The following MAP3K15 variants were observed in gnomAD, a reference collection of about 807,000 sequenced individuals.
The protein encoded by MAP3K15 is MAPK/ERK kinase kinase 15.
In MAP3K15, 124 loss-of-function variants were observed where a neutral mutation model predicts 99.5. That is an observed-to-expected ratio of 1.25 (90% CI 1.08 to 1.45). The LOEUF (loss-of-function observed/expected upper bound fraction) is 1.45. MAP3K15 is among the 40% of genes most tolerant of loss of function. The pLI, the probability that MAP3K15 is intolerant of heterozygous loss-of-function variation, is 0.00. For synonymous variants in MAP3K15, 494 were observed against 439.6 expected, an observed-to-expected ratio of 1.12 and a Z score of -1.55; for missense variants, 1,242 against 1,079.7, an observed-to-expected ratio of 1.15 and a Z score of -2.11.
At chrX:19,390,303 C>CTTTTT (rs869140702) in intron 18 of MAP3K15, among the ~76,000 whole-genome samples, 6 of 69,351 alleles carry the variant, frequency 8.7e-5, no homozygotes, top group Non-Finnish European at 1.5e-4. Context: ...CTAATTTTTT[C>CTTTTT]TTTTTTTTTT....
intron 6 of MAP3K15, among the ~76,000 whole-genome samples, chrX:19,455,226 T>C (rs1347775585): frequency 9.0e-6 from 1 of 111,394 alleles, no homozygotes. Flanking sequence ...AAGGTGGCTA[T>C]CTGGTGTGCA....
At chrX:19,489,046 G>T in intron 1 of MAP3K15, 79 bp from the exon 2 acceptor site, 193 of 869,828 alleles carry the variant, frequency 2.2e-4, no homozygotes, top group South Asian at 6.9e-4. Context: ...CACCAGTGAG[G>T]AGCTATAGCA....
intron 7 of MAP3K15, among the ~76,000 whole-genome samples, chrX:19,427,308 T>G (rs765711852): frequency 1.5e-4 from 17 of 111,875 alleles, no homozygotes; most frequent in African/African-American, 5.5e-4. Flanking sequence ...CCTGCCCACC[T>G]AAACCTTGTT....
intron 16 of MAP3K15, among the ~76,000 whole-genome samples, chrX:19,393,396 C>T (rs980831529): frequency 8.9e-6 from 1 of 111,968 alleles, no homozygotes; most frequent in African/African-American, 3.2e-5. Context: ...TTTGGGAGGC[C>T]GAGGCGGGCA....
Position 19,392,994 on chromosome X carries a change from A to G in MAP3K15, c.2195-521T>C, listed in dbSNP as rs142719419. 2.8e-3 allele frequency among the ~76,000 whole-genome samples: 311 copies of G among 110,815 alleles called. 1 individual carries two copies. The highest frequency in any genetic ancestry group is 9.7e-3 in the African/African-American group (296 of 30,494). ...AGGAAGTTGGGTCTCTCTGTCCTCAATGTGAGAAAGCCACAGTGGCAAGTC... is the reference window on the plus strand; with the variant it reads ...AGGAAGTTGGGTCTCTCTGTCCTCAGTGTGAGAAAGCCACAGTGGCAAGTC... On this transcript the variant is annotated intron_variant, in intron 16 of 28. Coordinates refer to ENST00000338883, the MANE Select transcript of MAP3K15 (RefSeq NM_001001671.4).
At chrX:19,490,180 C>CACACACACACAT (rs1478553894) in intron 1 of MAP3K15, among the ~76,000 whole-genome samples, 18 of 95,119 alleles carry the variant, frequency 1.9e-4, no homozygotes, top group African/African-American at 5.2e-4. Context: ...CACACACACA[C>CACACACACACAT]ACACATACAT....
At chrX:19,491,888 G>A (rs149422704) in intron 1 of MAP3K15, among the ~76,000 whole-genome samples, 14,268 of 108,887 alleles carry the variant, frequency 0.13, 768 homozygotes, top group Non-Finnish European at 0.15. Flanking sequence ...GTTTCACCAC[G>A]TTGGCCAGGC....
chrX:19,457,344 G>T (rs2064100721), intron 5 of MAP3K15, among the ~76,000 whole-genome samples: 1 of 112,300 alleles, frequency 8.9e-6, no homozygotes, highest in South Asian at 3.7e-4. Context: ...GGGCGTGGTG[G>T]CTCACACCTG....
intron 6 of MAP3K15, among the ~76,000 whole-genome samples, chrX:19,443,876 T>C (rs769835960): frequency 2.0e-4 from 22 of 111,385 alleles, no homozygotes; most frequent in Non-Finnish European, 3.2e-4. Flanking sequence ...ATTCTCCAGG[T>C]TTCATATGTC....
chrX:19,454,635 C>T (rs769939864), intron 6 of MAP3K15, among the ~76,000 whole-genome samples: 7 of 111,802 alleles, frequency 6.3e-5, no homozygotes, highest in Admixed American at 1.9e-4. Context: ...CCATGATTTG[C>T]TCCACTTCCT....
At chrX:19,503,245 T>C (rs1189574289) in intron 1 of MAP3K15, among the ~76,000 whole-genome samples, 1 of 111,809 alleles carries the variant, frequency 8.9e-6, no homozygotes, top group East Asian at 2.8e-4. Flanking sequence ...TCCTATGCTC[T>C]GCTAGAAATA....
chrX:19,470,022 A>T (rs1404813767), intron 3 of MAP3K15, among the ~76,000 whole-genome samples: 1 of 111,272 alleles, frequency 9.0e-6, no homozygotes, highest in Admixed American at 9.6e-5. Context: ...AACTAGAAAT[A>T]CCATTTGACC....
chrX:19,504,652 C>A (rs915560127), intron 1 of MAP3K15, among the ~76,000 whole-genome samples: 1 of 111,885 alleles, frequency 8.9e-6, no homozygotes, highest in Non-Finnish European at 1.9e-5. Context: ...ACTACAGTAT[C>A]ATTTAATGCC....
intron 15 of MAP3K15, 60 bp downstream of exon 15, chrX:19,398,166 G>A: frequency 8.4e-7 from 1 of 1,186,515 alleles, no homozygotes. Context: ...ATGAGCGGTG[G>A]GTATGGGATC....
chrX:19,370,751 T>C (rs907346685), intron 24 of MAP3K15, among the ~76,000 whole-genome samples: 2 of 111,851 alleles, frequency 1.8e-5, no homozygotes, highest in African/African-American at 6.5e-5. Flanking sequence ...ACCTTCATCA[T>C]GCTTCAGGGA....
chrX:19,384,750 A>AAG (rs2063483180), intron 18 of MAP3K15, among the ~76,000 whole-genome samples: 1 of 43,862 alleles, frequency 2.3e-5, no homozygotes, highest in African/African-American at 2.4e-4. Context: ...GTCTCAGGGG[A>AAG]AAAAAAAAAA....
chrX:19,447,972 A>G (rs1316300104), intron 6 of MAP3K15, among the ~76,000 whole-genome samples: 1 of 105,819 alleles, frequency 9.5e-6, no homozygotes, highest in Non-Finnish European at 2.0e-5. Context: ...TCTCAAGGAC[A>G]ACAGCGACAG....
chrX:19,367,054 C>T (rs2063339338), intron 25 of MAP3K15, among the ~76,000 whole-genome samples: 1 of 111,824 alleles, frequency 8.9e-6, no homozygotes, highest in Admixed American at 9.5e-5. Context: ...TTCATTGCAG[C>T]ACTATTCACA....
Position 19,398,369 on chromosome X carries a change from G to A in MAP3K15, c.1933-10C>T. The A allele has an allele frequency of 8.3e-7, 1 of 1,208,938 alleles. No homozygotes were observed. The highest frequency in any genetic ancestry group is 1.1e-6 in the Non-Finnish European group (1 of 894,274). On this transcript the variant is annotated splice_polypyrimidine_tract_variant and intron_variant, in intron 14 of 28. Coordinates refer to ENST00000338883, the MANE Select transcript of MAP3K15 (RefSeq NM_001001671.4). ...CATGGTCATACTCATACTGAAGAAG[G>A]AAAAACAAAAGGACAAAAAAGCATA...
Sources: allele counts gnomAD v4.1 joint callset (sites outside exome capture counted in the v4.1 genomes callset), GRCh38; gene constraint gnomAD v4.1.1; transcripts MANE v1.5; gene names NCBI Gene and HGNC (gene_info 2026-07-23, HGNC 2026-07-21).